KLHL32: variants seen among roughly 807,000 people sequenced by gnomAD.
KLHL32 encodes the protein kelch-like protein 32.
Under a neutral mutation model 64.8 loss-of-function variants are expected in KLHL32, and 35 were observed. The observed-to-expected ratio is 0.54, with a 90% CI of 0.41 to 0.72. The LOEUF is 0.72. Among genes scored for constraint, KLHL32 ranks in the 30% least tolerant of loss-of-function variants. KLHL32 has a pLI of 0.00. For missense variants in KLHL32, 589 were observed against 768.5 expected, an observed-to-expected ratio of 0.77 and a Z score of 2.76; for synonymous variants, 259 against 281.0, an observed-to-expected ratio of 0.92 and a Z score of 0.78.
At chr6:96,977,056 A>G (rs980599407) in intron 3 of KLHL32, among the ~76,000 whole-genome samples, 1 of 152,234 alleles carries the variant, frequency 6.6e-6, no homozygotes, top group African/African-American at 2.4e-5. Flanking sequence ...ACATGTGGTA[A>G]TAAGATTGCT....
intron 6 of KLHL32, among the ~76,000 whole-genome samples, chr6:97,112,292 G>T (rs1415893064): frequency 3.3e-5 from 5 of 152,110 alleles, no homozygotes; most frequent in Non-Finnish European, 7.4e-5. Context: ...TAATGTAAGT[G>T]CTGCTAAGAA....
chr6:97,134,051 A>G (rs1365369474), intron 10 of KLHL32, among the ~76,000 whole-genome samples: 7 of 152,200 alleles, frequency 4.6e-5, no homozygotes, highest in African/African-American at 1.4e-4. Context: ...ACATTGCTAT[A>G]TAACTTATGG....
chr6:97,056,408 CA>C (rs1202973219), intron 4 of KLHL32, among the ~76,000 whole-genome samples: 1 of 152,054 alleles, frequency 6.6e-6, no homozygotes, highest in Non-Finnish European at 1.5e-5. Flanking sequence ...CCCGGCCCAC[CA>C]GCCTGCCTAT....
upstream of KLHL32, among the ~76,000 whole-genome samples, chr6:96,924,413 C>G (rs548163140): frequency 8.3e-6 from 1 of 120,710 alleles, no homozygotes; most frequent in Non-Finnish European, 1.7e-5. Context: ...AGGAGGGCGG[C>G]GTGGAGGAGG....
At chr6:97,014,482 G>GA (rs1272826214) in intron 3 of KLHL32, among the ~76,000 whole-genome samples, 1 of 151,992 alleles carries the variant, frequency 6.6e-6, no homozygotes, top group Non-Finnish European at 1.5e-5. Context: ...TTTGCACAGT[G>GA]AAAAAATGTT....
chr6:97,131,206 C>T (rs1387774364), intron 9 of KLHL32, among the ~76,000 whole-genome samples: 2 of 152,146 alleles, frequency 1.3e-5, no homozygotes, highest in East Asian at 1.9e-4. Flanking sequence ...ATGTCAAGTC[C>T]ATTATCATCC....
At chr6:96,976,633 T>G (rs1775726736) in intron 3 of KLHL32, among the ~76,000 whole-genome samples, 1 of 152,242 alleles carries the variant, frequency 6.6e-6, no homozygotes, top group African/African-American at 2.4e-5. Context: ...AGTCTCGCTC[T>G]TTCACCCAGG....
intron 3 of KLHL32, among the ~76,000 whole-genome samples, chr6:96,983,282 C>T (rs1776560583): frequency 6.6e-6 from 1 of 152,280 alleles, no homozygotes; most frequent in Non-Finnish European, 1.5e-5. Context: ...TTTGGATTGC[C>T]AGTATTTTAT....
chr6:97,113,947 C>T lies in KLHL32; in HGVS notation c.792C>T (p.Ala264=), dbSNP rs763142204. The change falls in exon 7 of 11, where the codon GCC becomes GCT. Residue 264 remains alanine, a synonymous_variant. Transcript: ENST00000369261. ...CTGCAACAGCCCTTGTCAACGAGGC[C>T]CTGGAATACCACCAGAGCATCTATG... ...SETATALVNE[A]LEYHQSIYAQ... is the part of the protein sequence containing the mutation. 8 of 1,614,014 alleles carry T rather than the reference C, an allele frequency of 5.0e-6. No homozygotes were observed. The highest frequency in any genetic ancestry group is 6.8e-6 in the Non-Finnish European group (8 of 1,180,024).
At chr6:97,058,915 C>T (rs185138808) in intron 4 of KLHL32, among the ~76,000 whole-genome samples, 1 of 152,202 alleles carries the variant, frequency 6.6e-6, no homozygotes, top group Admixed American at 6.5e-5. Context: ...TAGACACACA[C>T]AATTGTAATG....
chr6:96,967,953 A>G, intron 2 of KLHL32, among the ~76,000 whole-genome samples: 1 of 152,204 alleles, frequency 6.6e-6, no homozygotes, highest in East Asian at 1.9e-4. Context: ...CTGGAGGTAA[A>G]TCTGCATCAT....
At chr6:96,907,153 A>G in the KLHL32 span, among the ~76,000 whole-genome samples, 10 of 152,240 alleles carry the variant, frequency 6.6e-5, no homozygotes, top group Non-Finnish European at 1.3e-4. Flanking sequence ...ATCTAATGGT[A>G]GTCTTCTAAA....
chr6:97,056,088 T>A (rs1787823279), intron 4 of KLHL32, among the ~76,000 whole-genome samples: 1 of 131,170 alleles, frequency 7.6e-6, no homozygotes, highest in South Asian at 2.2e-4. Flanking sequence ...TCCCTTTTCT[T>A]TTTTTTTCTT....
the KLHL32 span, among the ~76,000 whole-genome samples, chr6:96,898,435 C>T: frequency 6.6e-6 from 1 of 152,114 alleles, no homozygotes; most frequent in Non-Finnish European, 1.5e-5. Context: ...TTAAATGCCT[C>T]TTATTTTCCT....
intron 3 of KLHL32, among the ~76,000 whole-genome samples, chr6:97,002,406 G>A (rs751754375): frequency 4.6e-5 from 7 of 152,014 alleles, no homozygotes; most frequent in Non-Finnish European, 7.4e-5. Context: ...AAAATATAAC[G>A]AATATAGCTT....
intron 3 of KLHL32, among the ~76,000 whole-genome samples, chr6:97,028,922 A>G (rs954849690): frequency 6.6e-6 from 1 of 152,204 alleles, no homozygotes; most frequent in African/African-American, 2.4e-5. Context: ...TACAATTAGA[A>G]AGTAACAGAA....
At chr6:97,097,049 G>A (rs1009167388) in intron 6 of KLHL32, among the ~76,000 whole-genome samples, 6 of 152,108 alleles carry the variant, frequency 3.9e-5, no homozygotes, top group African/African-American at 1.4e-4. Context: ...CCCTACCTGT[G>A]TTTTATAACT....
At chr6:97,016,863 C>T (rs1447909687) in intron 3 of KLHL32, among the ~76,000 whole-genome samples, 1 of 152,172 alleles carries the variant, frequency 6.6e-6, no homozygotes, top group Admixed American at 6.5e-5. Flanking sequence ...AGTGAGTTCT[C>T]ACAAGAACTG....
At position 96,968,385 on chromosome 6, in the gene KLHL32, CAAAAACAAAAAA is replaced by C. The variant is rs981710389; in HGVS notation, c.23+1310_23+1321del. Among the ~76,000 whole-genome samples, 19 of 151,022 alleles carry C rather than the reference CAAAAACAAAAAA, an allele frequency of 1.3e-4. No homozygotes were observed. The East Asian group carries it at 1.4e-3, about 11-fold the overall frequency. ...AAAAACAAAAAACAAAAAACAAAAA[CAAAAACAAAAAA>C]AAAAACATCTAGCCCAAAATGTCAA... On this transcript the variant is annotated intron_variant, in intron 2 of 10. Coordinates refer to ENST00000369261, the MANE Select transcript of KLHL32 (RefSeq NM_052904.4).
Sources: allele counts gnomAD v4.1 joint callset (sites outside exome capture counted in the v4.1 genomes callset), GRCh38; gene constraint gnomAD v4.1.1; transcripts MANE v1.5; gene names NCBI Gene and HGNC (gene_info 2026-07-23, HGNC 2026-07-21).